Variants in ADAMTS3 observed in about 807,000 individuals in gnomAD.
The protein encoded by ADAMTS3 is ADAM metallopeptidase with thrombospondin type 1 motif 3.
In ADAMTS3, 73 loss-of-function variants were observed where a neutral mutation model predicts 129.0. The observed-to-expected ratio is 0.57, with a 90% CI of 0.47 to 0.69. The LOEUF is 0.69. Ranked by LOEUF, ADAMTS3 falls within the 30% of genes least tolerant of loss-of-function variation. The pLI, the probability that ADAMTS3 is intolerant of heterozygous loss-of-function variation, is 0.00. For missense variants in ADAMTS3, 1,457 were observed against 1,514.5 expected, an observed-to-expected ratio of 0.96 and a Z score of 0.63; for synonymous variants, 477 against 510.8, an observed-to-expected ratio of 0.93 and a Z score of 0.89.
intron 3 of ADAMTS3, among the ~76,000 whole-genome samples, chr4:72,545,576 C>T (rs1293116855): frequency 1.3e-5 from 2 of 152,180 alleles, no homozygotes; most frequent in Non-Finnish European, 2.9e-5. Context: ...TAAGCGTCTT[C>T]CAGTCCTGGT....
At chr4:72,483,962 G>A (rs1159925556) in intron 3 of ADAMTS3, among the ~76,000 whole-genome samples, 6 of 152,064 alleles carry the variant, frequency 3.9e-5, no homozygotes, top group Non-Finnish European at 8.8e-5. Context: ...AACTTGCGGT[G>A]AGCCAAGATG....
chr4:72,342,758 G>A (rs780370842), intron 4 of ADAMTS3, among the ~76,000 whole-genome samples: 5 of 152,130 alleles, frequency 3.3e-5, no homozygotes, highest in South Asian at 2.1e-4. Context: ...TCTGACAACC[G>A]ACTGACCCCA....
At position 72,303,958 on chromosome 4, in the gene ADAMTS3, G is replaced by C; in HGVS notation, c.2383C>G (p.Leu795Val). 1 of 1,613,554 alleles carries C rather than the reference G, an allele frequency of 6.2e-7. No individual in the cohort carries two copies. Among genetic ancestry groups the C allele is most frequent in the Non-Finnish European group, 8.5e-7 (1 of 1,179,662 alleles). ...DYNIEDDIESLHTDGPLHDPV... is the reference protein window; with the variant it reads ...DYNIEDDIESVHTDGPLHDPV... ...TCATGTAAAGGTCCATCGGTGTGAA[G>C]ACTTTCAATGTCATCTTCAATGTTA... Residue 795 changes from leucine to valine, a missense_variant, in exon 17 of 22, where the codon CTT (leucine) becomes GTT (valine). Transcript: ENST00000286657.
At position 72,372,650 on chromosome 4, in the gene ADAMTS3, T is replaced by C. The variant is rs186194435; in HGVS notation, c.662-32957A>G. On this transcript the variant is annotated intron_variant, in intron 4 of 21. Coordinates refer to ENST00000286657, the MANE Select transcript of ADAMTS3 (RefSeq NM_014243.3). ...AAGAAAGATGGGTATAAAGTCACTA[T>C]AAAAATTTGCTTTTTATATGCTAGA... Among the ~76,000 whole-genome samples, 990 of 152,144 alleles carry C rather than the reference T, an allele frequency of 6.5e-3. 3 individuals carry two copies. Among genetic ancestry groups the C allele is most frequent in the Non-Finnish European group, 0.01 (707 of 67,932 alleles).
intron 4 of ADAMTS3, among the ~76,000 whole-genome samples, chr4:72,354,874 T>C (rs1446251590): frequency 2.0e-5 from 3 of 151,984 alleles, no homozygotes; most frequent in African/African-American, 7.2e-5. Context: ...CAGTCTCATA[T>C]TTCAGGTTCT....
intron 10 of ADAMTS3, among the ~76,000 whole-genome samples, chr4:72,316,531 CAA>C (rs1441353984): frequency 1.3e-5 from 2 of 151,688 alleles, no homozygotes; most frequent in African/African-American, 4.8e-5. Context: ...ACTAAAAACA[CAA>C]AAAAATTGGC....
chr4:72,551,519 T>C (rs2250696), intron 2 of ADAMTS3, among the ~76,000 whole-genome samples: 102,106 of 151,976 alleles, frequency 0.67, 34,484 homozygotes, highest in South Asian at 0.76. Flanking sequence ...CATTTTTCTG[T>C]TGGCAATTAA....
intron 17 of ADAMTS3, 26 bp from the exon 18 acceptor site, chr4:72,298,468 T>C: frequency 6.5e-7 from 1 of 1,532,308 alleles, no homozygotes; most frequent in Non-Finnish European, 8.9e-7. Flanking sequence ...AATCAATATG[T>C]AAATCACCTG....
chr4:72,290,999 G>A lies in ADAMTS3; in HGVS notation c.2787C>T (p.Arg929=). Residue 929 remains arginine (R), a synonymous_variant, in exon 20 of 22, where the codon CGC becomes CGT. Coordinates refer to ENST00000286657, the MANE Select transcript of ADAMTS3 (RefSeq NM_014243.3). ...GGAGTGGCTGAAGGCAGCGTACAGT[G>A]CGAAGCTGATAGCCAGAACTTCCAC... ...KTCGSSGYQL[R]TVRCLQPLLD... 2.5e-6 allele frequency: 4 copies of A among 1,614,050 alleles called. No homozygotes were observed. The Admixed American group carries it at 5.0e-5, about 20-fold the overall frequency.
intron 3 of ADAMTS3, among the ~76,000 whole-genome samples, chr4:72,509,891 A>G (rs974206798): frequency 2.4e-4 from 37 of 152,152 alleles, no homozygotes; most frequent in African/African-American, 8.9e-4. Flanking sequence ...CAAATTCAAC[A>G]ATACATTAGA....
intron 21 of ADAMTS3, 78 bp downstream of exon 21, chr4:72,288,673 A>T (rs910677508): frequency 1.1e-6 from 1 of 907,492 alleles, no homozygotes; most frequent in African/African-American, 1.7e-5. Context: ...TAAATTCTAT[A>T]ACTTCTCTCA....
intron 3 of ADAMTS3, among the ~76,000 whole-genome samples, chr4:72,518,256 A>C (rs1251395298): frequency 1.3e-5 from 2 of 152,086 alleles, no homozygotes; most frequent in African/African-American, 2.4e-5. Flanking sequence ...TTTACTTCCA[A>C]GTATGTGGTC....
At chr4:72,530,435 T>C (rs1470010049) in intron 3 of ADAMTS3, among the ~76,000 whole-genome samples, 15 of 82,910 alleles carry the variant, frequency 1.8e-4, no homozygotes, top group Non-Finnish European at 3.1e-4. Context: ...AATTAATATA[T>C]GTTAATTTAA....
intron 3 of ADAMTS3, among the ~76,000 whole-genome samples, chr4:72,536,753 G>C (rs1721193926): frequency 6.6e-6 from 1 of 152,050 alleles, no homozygotes; most frequent in African/African-American, 2.4e-5. Context: ...CCTTTCCTTT[G>C]ACCATTTTAC....
intron 3 of ADAMTS3, among the ~76,000 whole-genome samples, chr4:72,483,777 T>C (rs1197285996): frequency 6.6e-6 from 1 of 152,184 alleles, no homozygotes; most frequent in African/African-American, 2.4e-5. Flanking sequence ...CCCAGCACTT[T>C]GGGAGGCTGA....
chr4:72,360,854 A>G (rs928549266), intron 4 of ADAMTS3, among the ~76,000 whole-genome samples: 1 of 152,114 alleles, frequency 6.6e-6, no homozygotes, highest in Non-Finnish European at 1.5e-5. Flanking sequence ...CTGCAATAAA[A>G]TATCTTTTAA....
intron 3 of ADAMTS3, among the ~76,000 whole-genome samples, chr4:72,451,432 C>A (rs771907471): frequency 5.3e-5 from 8 of 151,646 alleles, no homozygotes; most frequent in Non-Finnish European, 7.4e-5. Flanking sequence ...AGACTGATCA[C>A]CAATCAAAAG....
intron 5 of ADAMTS3, among the ~76,000 whole-genome samples, chr4:72,337,926 A>G (rs936995412): frequency 1.3e-5 from 2 of 152,184 alleles, no homozygotes; most frequent in Non-Finnish European, 2.9e-5. Context: ...TGCAAGCCAA[A>G]TAAGTCTGTA....
intron 3 of ADAMTS3, among the ~76,000 whole-genome samples, chr4:72,516,769 A>C (rs1433006660): frequency 6.6e-6 from 1 of 152,088 alleles, no homozygotes; most frequent in Non-Finnish European, 1.5e-5. Context: ...ATATACAATC[A>C]TGTCATCTGC....
Sources: gnomAD v4.1 joint callset for allele counts (sites outside exome capture counted in the v4.1 genomes callset) on GRCh38, gnomAD v4.1.1 for gene constraint, MANE v1.5 for transcripts, NCBI Gene and HGNC (gene_info 2026-07-23, HGNC 2026-07-21) for gene names.